Variants in PDE1C observed in about 807,000 individuals in gnomAD.
PDE1C encodes the protein phosphodiesterase 1C.
PDE1C carries 62 observed loss-of-function variants against 93.1 expected under a neutral mutation model. The observed-to-expected ratio is 0.67, with a 90% CI of 0.54 to 0.82. PDE1C has a LOEUF of 0.82. Among genes scored for constraint, PDE1C ranks in the 40% least tolerant of loss-of-function variants. The probability of loss-of-function intolerance (pLI) is 0.00; values close to 1 mark genes in which losing one functional copy is unlikely to be tolerated. For synonymous variants in PDE1C, 325 were observed against 310.1 expected, an observed-to-expected ratio of 1.05 and a Z score of -0.50; for missense variants, 742 against 884.6, an observed-to-expected ratio of 0.84 and a Z score of 2.04.
chr7:32,088,903 A>C (rs1797292715), intron 3 of PDE1C, among the ~76,000 whole-genome samples: 1 of 152,216 alleles, frequency 6.6e-6, no homozygotes, highest in Admixed American at 6.5e-5. Flanking sequence ...AAGGGACAGA[A>C]GAGAGAATAC....
At chr7:32,036,332 G>C (rs1791080779) in intron 2 of PDE1C, among the ~76,000 whole-genome samples, 1 of 152,186 alleles carries the variant, frequency 6.6e-6, no homozygotes. Context: ...GAAAGAAAGT[G>C]CTTAGAGTGA....
chr7:32,049,549 C>G (rs1177118050), intron 2 of PDE1C, among the ~76,000 whole-genome samples: 1 of 152,140 alleles, frequency 6.6e-6, no homozygotes, highest in Non-Finnish European at 1.5e-5. Context: ...ACTGTATTCT[C>G]TCCACTGGAC....
chr7:32,060,480 C>T (rs917598839), intron 1 of PDE1C, among the ~76,000 whole-genome samples: 1 of 152,162 alleles, frequency 6.6e-6, no homozygotes, highest in African/African-American at 2.4e-5. Flanking sequence ...GTAAGCCTCC[C>T]TAAACACACG....
At chr7:31,946,611 G>C (rs557759668) in intron 2 of PDE1C, among the ~76,000 whole-genome samples, 2 of 152,266 alleles carry the variant, frequency 1.3e-5, no homozygotes, top group South Asian at 4.1e-4. Context: ...TTATGCACTT[G>C]ATGCACCACT....
the PDE1C span, chr7:31,643,852 G>T: frequency 1.2e-6 from 2 of 1,613,922 alleles, no homozygotes; most frequent in Admixed American, 1.7e-5. Context: ...TGAACCCTCA[G>T]TCTGTAGGCA....
chr7:31,896,069 C>A (rs1490496143), intron 2 of PDE1C, among the ~76,000 whole-genome samples: 1 of 151,838 alleles, frequency 6.6e-6, no homozygotes, highest in African/African-American at 2.4e-5. Context: ...GCAGGGTGAG[C>A]TCATGAAGGT....
At chr7:32,370,447 CAAAA>C (rs34494376) in intron 1 of PDE1C, among the ~76,000 whole-genome samples, 18 of 120,196 alleles carry the variant, frequency 1.5e-4, no homozygotes, top group Non-Finnish European at 1.4e-4. Context: ...AGACTCCTCT[CAAAA>C]AAAAAAAAAA....
chr7:32,249,733 G>T (rs1391539565), intron 1 of PDE1C, among the ~76,000 whole-genome samples: 3 of 151,992 alleles, frequency 2.0e-5, no homozygotes, highest in Admixed American at 6.6e-5. Flanking sequence ...TTTCAATTTT[G>T]CAGATAAAAA....
At chr7:32,223,296 C>T (rs1170103033) in intron 1 of PDE1C, among the ~76,000 whole-genome samples, 1 of 152,186 alleles carries the variant, frequency 6.6e-6, no homozygotes, top group Non-Finnish European at 1.5e-5. Context: ...CCTGACAGAC[C>T]GTTCCACGTG....
At chr7:31,942,743 A>G (rs1289988246) in intron 2 of PDE1C, among the ~76,000 whole-genome samples, 1 of 152,174 alleles carries the variant, frequency 6.6e-6, no homozygotes, top group African/African-American at 2.4e-5. Context: ...GTTGATTGCT[A>G]TCCTTGGGAC....
chr7:31,629,630 C>G, the PDE1C span, among the ~76,000 whole-genome samples: 1 of 152,174 alleles, frequency 6.6e-6, no homozygotes, highest in Non-Finnish European at 1.5e-5. Context: ...ATACAATGGT[C>G]AGACCATGGG....
intron 2 of PDE1C, among the ~76,000 whole-genome samples, chr7:32,181,951 A>G (rs907102804): frequency 6.6e-6 from 1 of 152,230 alleles, no homozygotes; most frequent in African/African-American, 2.4e-5. Context: ...GATGCAATAA[A>G]AAATGATACA....
chr7:31,826,682 A>C (rs1789708074), intron 12 of PDE1C, among the ~76,000 whole-genome samples: 2 of 152,110 alleles, frequency 1.3e-5, no homozygotes, highest in South Asian at 4.1e-4. Flanking sequence ...AGGCCCCGTT[A>C]CTACCTTAGT....
chr7:32,170,071 AC>A, intron 2 of PDE1C: 2 of 885,140 alleles, frequency 2.3e-6, no homozygotes, highest in Non-Finnish European at 3.5e-6. Flanking sequence ...TATATTTCTC[AC>A]CATCTCCGCC....
At chr7:31,874,827 G>A (rs968512971) in intron 5 of PDE1C, among the ~76,000 whole-genome samples, 3 of 152,196 alleles carry the variant, frequency 2.0e-5, no homozygotes, top group Admixed American at 2.0e-4. Context: ...GTGTTTACAC[G>A]CATTTGCAAA....
rs138410362 is a variant in PDE1C at position 32,360,760 on chromosome 7, T to C, written c.310+67062A>G. The stretch of plus-strand genomic sequence containing the variant: ...GGTCTTGAGGAAATCCTTTAGGAGA[T>C]AGAAAGAAAAGTATATTTGCTTCTG... On this transcript the variant is annotated intron_variant, in intron 1 of 1. Coordinates refer to the PDE1C transcript ENST00000672256. Among the ~76,000 whole-genome samples the C allele has an allele frequency of 1.4e-3, 212 of 152,326 alleles. 2 individuals carry two copies. Among genetic ancestry groups the C allele is most frequent in the African/African-American group, 4.1e-3 (170 of 41,588 alleles).
At position 31,753,293 on chromosome 7, in the gene PDE1C, A is replaced by G. The variant is rs1453270201; in HGVS notation, c.*91T>C. 1.4e-5 allele frequency: 20 copies of G among 1,481,156 alleles called. No individual in the cohort carries two copies. Among genetic ancestry groups the G allele is most frequent in the Non-Finnish European group, 1.7e-5 (19 of 1,105,450 alleles). The allele number at this position is 1,481,156 out of a possible 1,614,324, so 91.8% of individuals were successfully genotyped here. On this transcript the variant is annotated 3_prime_UTR_variant, in exon 18 of 18. Coordinates refer to ENST00000396191, the MANE Select transcript of PDE1C (RefSeq NM_001191057.4). Reference sequence around the variant, plus strand: ...ATAGTACCTGCTCCAACAGCCTCCAAGGGTCTTGGAGGTGTGTCCTGCTGT... The same window carrying G: ...ATAGTACCTGCTCCAACAGCCTCCAGGGGTCTTGGAGGTGTGTCCTGCTGT...
intron 3 of PDE1C, among the ~76,000 whole-genome samples, chr7:32,163,524 C>G (rs1368554766): frequency 6.6e-6 from 1 of 152,176 alleles, no homozygotes; most frequent in Non-Finnish European, 1.5e-5. Flanking sequence ...AGTAAGCTAT[C>G]TATAGAATCT....
At chr7:31,959,731 T>C (rs1217153051) in intron 2 of PDE1C, among the ~76,000 whole-genome samples, 1 of 152,198 alleles carries the variant, frequency 6.6e-6, no homozygotes, top group Non-Finnish European at 1.5e-5. Flanking sequence ...CTGTCCCTAT[T>C]ATGCTTCTTA....
Sources: gnomAD v4.1 joint callset for allele counts (sites outside exome capture counted in the v4.1 genomes callset) on GRCh38, gnomAD v4.1.1 for gene constraint, MANE v1.5 for transcripts, NCBI Gene and HGNC (gene_info 2026-07-23, HGNC 2026-07-21) for gene names.